Variants in RALYL observed in about 807,000 individuals in gnomAD.
RALYL encodes the protein RNA-binding Raly-like protein.
In RALYL, 29 loss-of-function variants were observed where a neutral mutation model predicts 35.1. The ratio of observed to expected loss-of-function variants is 0.83; its 90% CI spans 0.61 to 1.13. The LOEUF is 1.13. RALYL is among the 50% of genes most tolerant of loss of function. RALYL has a pLI of 0.00. For missense variants in RALYL, 359 were observed against 360.4 expected, an observed-to-expected ratio of 1.00 and a Z score of 0.03; for synonymous variants, 120 against 127.6, an observed-to-expected ratio of 0.94 and a Z score of 0.40.
chr8:84,329,917 T>C (rs1291849343), intron 1 of RALYL, among the ~76,000 whole-genome samples: 1 of 152,034 alleles, frequency 6.6e-6, no homozygotes, highest in African/African-American at 2.4e-5. Flanking sequence ...AAAATCATAT[T>C]GAATAAATCC....
At chr8:84,359,583 A>G (rs1051856839) in intron 1 of RALYL, among the ~76,000 whole-genome samples, 18 of 152,098 alleles carry the variant, frequency 1.2e-4, no homozygotes, top group Admixed American at 1.1e-3. Flanking sequence ...AATCACTTTG[A>G]AAATACCTAT....
intron 1 of RALYL, among the ~76,000 whole-genome samples, chr8:84,418,457 T>C (rs1306458767): frequency 6.6e-6 from 1 of 152,176 alleles, no homozygotes; most frequent in Non-Finnish European, 1.5e-5. Context: ...ATTATTTGAT[T>C]AGAATTAGTT....
chr8:84,904,600 C>T (rs991572211), intron 8 of RALYL, among the ~76,000 whole-genome samples: 5 of 152,090 alleles, frequency 3.3e-5, no homozygotes, highest in Non-Finnish European at 7.4e-5. Flanking sequence ...CTGTTAGCCA[C>T]TCATGAGAAA....
At chr8:84,293,901 T>A (rs1230207314) in intron 1 of RALYL, among the ~76,000 whole-genome samples, 2 of 149,788 alleles carry the variant, frequency 1.3e-5, no homozygotes, top group Non-Finnish European at 2.9e-5. Flanking sequence ...TGTATGAAAT[T>A]CAGTTTTCTA....
intron 2 of RALYL, among the ~76,000 whole-genome samples, chr8:84,530,911 T>C (rs1020020824): frequency 3.3e-5 from 5 of 152,174 alleles, no homozygotes; most frequent in African/African-American, 1.2e-4. Context: ...AGAGGCTTTG[T>C]ATTTGCTATT....
At chr8:84,317,279 A>G (rs1387099283) in intron 1 of RALYL, among the ~76,000 whole-genome samples, 1 of 152,212 alleles carries the variant, frequency 6.6e-6, no homozygotes, top group Admixed American at 6.5e-5. Flanking sequence ...TAAGGATATT[A>G]AATCTAAACC....
chr8:84,275,621 C>T (rs1835220454), intron 1 of RALYL, among the ~76,000 whole-genome samples: 1 of 151,972 alleles, frequency 6.6e-6, no homozygotes, highest in Non-Finnish European at 1.5e-5. Flanking sequence ...TGCAATAGAT[C>T]CATTGAATTT....
chr8:84,499,600 A>C (rs1413300778), intron 1 of RALYL, among the ~76,000 whole-genome samples: 1 of 152,064 alleles, frequency 6.6e-6, no homozygotes, highest in Non-Finnish European at 1.5e-5. Context: ...AGGTAAGGCA[A>C]AGCCACCCCA....
At chr8:84,207,708 T>C (rs1818376003) in intron 1 of RALYL, among the ~76,000 whole-genome samples, 1 of 151,970 alleles carries the variant, frequency 6.6e-6, no homozygotes, top group Non-Finnish European at 1.5e-5. Flanking sequence ...AGACAGCAGG[T>C]CTTAAATATA....
chr8:84,221,219 GA>G, intron 1 of RALYL, among the ~76,000 whole-genome samples: 1 of 152,040 alleles, frequency 6.6e-6, no homozygotes, highest in South Asian at 2.1e-4. Flanking sequence ...ATTCCAGTGG[GA>G]GATTTTGGTA....
rs368650790 is a variant in RALYL, at chr8:84,372,172, G to A, written c.-23-157127G>A. On this transcript the variant is annotated intron_variant, in intron 1 of 8. Transcript: ENST00000521268. ...TACTTCTTGGCTGCTAATGGAGAAA[G>A]TCTAGTATGACTTTACAAGTCAATA... 1.3e-4 allele frequency among the ~76,000 whole-genome samples: 20 copies of A among 152,174 alleles called. 2 individuals are homozygous for A. The South Asian group carries it at 3.3e-3, about 25-fold the overall frequency.
At chr8:84,270,993 TATTTGTAATCTGCAA>T (rs1192741248) in intron 1 of RALYL, among the ~76,000 whole-genome samples, 5 of 152,092 alleles carry the variant, frequency 3.3e-5, no homozygotes, top group Non-Finnish European at 7.4e-5. Flanking sequence ...ACGTAGAGAA[TATTTGTAATCTGCAA>T]ATTATGGATT....
At chr8:84,524,105 T>G (rs1286718338) in intron 1 of RALYL, among the ~76,000 whole-genome samples, 2 of 152,262 alleles carry the variant, frequency 1.3e-5, no homozygotes, top group South Asian at 2.1e-4. Context: ...ACTTCCACAA[T>G]GGTTGAACTA....
intron 1 of RALYL, among the ~76,000 whole-genome samples, chr8:84,189,001 T>A (rs1813203571): frequency 1.3e-5 from 2 of 152,202 alleles, no homozygotes; most frequent in Non-Finnish European, 2.9e-5. Flanking sequence ...TAATGTCTTT[T>A]TCTATCCATT....
intron 2 of RALYL, among the ~76,000 whole-genome samples, chr8:84,692,039 T>A (rs749244093): frequency 6.6e-6 from 1 of 151,856 alleles, no homozygotes; most frequent in Non-Finnish European, 1.5e-5. Flanking sequence ...TCATGATTTT[T>A]AAAAAAAACT....
rs529690864 is a variant in RALYL, at chr8:84,783,025, G to A, written c.332+8371G>A. 1.2e-4 allele frequency among the ~76,000 whole-genome samples: 9 copies of A among 76,034 alleles called. No individual in the cohort carries two copies. The East Asian group carries it at 1.2e-3, about 11-fold the overall frequency. 49.9% of individuals were successfully genotyped at this position (76,034 alleles called of 152,430 possible). A position where few individuals can be genotyped will look rare whatever the true frequency, so the allele number is the denominator to read the frequency against. On this transcript the variant is annotated intron_variant, in intron 3 of 8. Transcript: ENST00000521268. ...GTCCATTGTTTGTTTTAATTTTGAA[G>A]TGTTATCTCATTCCCTTTGTGCTCA...
chr8:84,676,178 T>C (rs193191012), intron 2 of RALYL, among the ~76,000 whole-genome samples: 1 of 152,354 alleles, frequency 6.6e-6, no homozygotes, highest in African/African-American at 2.4e-5. Flanking sequence ...GAATATTTTC[T>C]CTTTGGATTT....
intron 8 of RALYL, among the ~76,000 whole-genome samples, chr8:84,896,081 C>T (rs1227869373): frequency 6.6e-6 from 1 of 152,156 alleles, no homozygotes; most frequent in African/African-American, 2.4e-5. Context: ...CCACTACCTG[C>T]CCTCCCCCTT....
At chr8:84,380,590 T>C (rs527898675) in intron 1 of RALYL, among the ~76,000 whole-genome samples, 3 of 151,910 alleles carry the variant, frequency 2.0e-5, no homozygotes, top group Admixed American at 6.6e-5. Flanking sequence ...CTTTAGAATG[T>C]AGGAAAAAAA....
Sources: allele counts gnomAD v4.1 joint callset (sites outside exome capture counted in the v4.1 genomes callset), GRCh38; gene constraint gnomAD v4.1.1; transcripts MANE v1.5; gene names NCBI Gene and HGNC (gene_info 2026-07-23, HGNC 2026-07-21).